HIBCH: variants seen among roughly 807,000 people sequenced by gnomAD.
HIBCH encodes the protein 3-hydroxyisobutyryl-CoA hydrolase, mitochondrial.
HIBCH carries 50 observed loss-of-function variants against 58.2 expected under a neutral mutation model. The observed-to-expected ratio is 0.86, with a 90% CI of 0.68 to 1.09. The LOEUF is 1.09. Ranked by LOEUF, HIBCH falls within the 50% of genes least tolerant of loss-of-function variation. The pLI is 0.00. For missense variants in HIBCH, 450 were observed against 449.7 expected, an observed-to-expected ratio of 1.00 and a Z score of -0.01; for synonymous variants, 151 against 146.9, an observed-to-expected ratio of 1.03 and a Z score of -0.20.
At chr2:190,260,096 C>T (rs937744652) in intron 7 of HIBCH, among the ~76,000 whole-genome samples, 2 of 151,966 alleles carry the variant, frequency 1.3e-5, no homozygotes, top group Non-Finnish European at 2.9e-5. Context: ...TAAAAGGTAT[C>T]CAGATTAGAA....
intron 2 of HIBCH, among the ~76,000 whole-genome samples, chr2:190,307,725 T>C (rs868858743): frequency 6.6e-6 from 1 of 152,132 alleles, no homozygotes; most frequent in African/African-American, 2.4e-5. Flanking sequence ...AAAAAAAATA[T>C]TTCCCTGAAT....
At chr2:190,246,578 G>C (rs1686614222) in intron 9 of HIBCH, among the ~76,000 whole-genome samples, 1 of 152,184 alleles carries the variant, frequency 6.6e-6, no homozygotes, top group African/African-American at 2.4e-5. Context: ...CATATACCTG[G>C]TATGCCTGCA....
Position 190,220,932 on chromosome 2 carries a change from G to A in HIBCH, c.892-7857C>T, listed in dbSNP as rs546366588. On this transcript the variant is annotated intron_variant, in intron 11 of 13. Coordinates refer to ENST00000359678, the MANE Select transcript of HIBCH (RefSeq NM_014362.4). ...AATTGTTCCTCAGCACTACCATTATGGTTTACTGCTTATGGTTTCCATTTC... is the reference window on the plus strand; with the variant it reads ...AATTGTTCCTCAGCACTACCATTATAGTTTACTGCTTATGGTTTCCATTTC... Among the ~76,000 whole-genome samples, 87 of 152,142 alleles carry A rather than the reference G, an allele frequency of 5.7e-4. 1 individual carries two copies. The highest frequency in any genetic ancestry group is 2.8e-3 in the Admixed American group (43 of 15,290).
At chr2:190,260,439 A>G (rs1687056376) in intron 7 of HIBCH, 1 of 152,142 alleles carries the variant, frequency 6.6e-6, no homozygotes. Flanking sequence ...GTCTGAAAAG[A>G]CTCGATAGTG....
At position 190,281,326 on chromosome 2, in the gene HIBCH, T is replaced by A. The variant is rs1053517737; in HGVS notation, c.438+6260A>T. 2.0e-5 allele frequency among the ~76,000 whole-genome samples: 3 copies of A among 152,166 alleles called. No homozygotes were observed. Among genetic ancestry groups the A allele is most frequent in the Admixed American group, 2.0e-4 (3 of 15,274 alleles). On this transcript the variant is annotated intron_variant, in intron 6 of 13. Coordinates refer to ENST00000359678, the MANE Select transcript of HIBCH (RefSeq NM_014362.4). This position sits in a 1 kb window ranked among gnomAD's most constrained non-coding sequence, Gnocchi z 5.4. ...ATGCCACCAAGGCTTATGGCTTATA[T>A]CTTCTGGAGCTGCAGGTCAAGCTGT...
At chr2:190,213,142 G>A in intron 11 of HIBCH, 67 bp from the exon 12 acceptor site, 2 of 1,208,790 alleles carry the variant, frequency 1.7e-6, no homozygotes, top group Non-Finnish European at 2.5e-6. Flanking sequence ...TAAATGGGCA[G>A]AGTGTCTATG....
intron 2 of HIBCH, among the ~76,000 whole-genome samples, chr2:190,302,990 T>C (rs534424251): frequency 6.6e-6 from 1 of 152,218 alleles, no homozygotes; most frequent in Non-Finnish European, 1.5e-5. Context: ...TTTGCATATA[T>C]ACTAGGTTTA....
At chr2:190,275,561 C>T (rs2664244) in intron 6 of HIBCH, among the ~76,000 whole-genome samples, 110,310 of 152,122 alleles carry the variant, frequency 0.73, 40,480 homozygotes, top group Non-Finnish European at 0.75. Flanking sequence ...ATATGAATTA[C>T]GCTAAAATTG....
downstream of HIBCH, chr2:190,200,286 C>A: frequency 1.4e-6 from 1 of 705,556 alleles, no homozygotes; most frequent in Non-Finnish European, 2.4e-6. Context: ...ATTATAAGAA[C>A]AACTAGGATG....
chr2:190,250,199 C>A (rs1042887578), intron 8 of HIBCH: 6 of 347,732 alleles, frequency 1.7e-5, no homozygotes, highest in Middle Eastern at 8.8e-4. Context: ...TGCTTTCTTG[C>A]CCCTGTGATT....
Position 190,217,281 on chromosome 2 carries a change from C to CA in HIBCH, c.892-4207dup, listed in dbSNP as rs1304537088. ...GGTGGATCACCTGAGGTCAAGAGTT[C>CA]AAGACCAGCCTGGCCAACATGGTGA... On this transcript the variant is annotated intron_variant, in intron 11 of 13. Transcript: ENST00000359678. This position sits in a 1 kb window ranked among gnomAD's most constrained non-coding sequence, Gnocchi z 4.6. Among the ~76,000 whole-genome samples the CA allele has an allele frequency of 1.3e-5, 2 of 152,158 alleles. No homozygotes were observed. The highest frequency in any genetic ancestry group is 2.4e-5 in the African/African-American group (1 of 41,446).
intron 11 of HIBCH, among the ~76,000 whole-genome samples, chr2:190,224,490 C>G (rs886451475): frequency 6.6e-6 from 1 of 152,124 alleles, no homozygotes; most frequent in Non-Finnish European, 1.5e-5. Context: ...CAATCCTAGT[C>G]TCTGATAAAA....
intron 2 of HIBCH, among the ~76,000 whole-genome samples, chr2:190,298,116 T>C (rs1419382251): frequency 6.6e-6 from 1 of 152,198 alleles, no homozygotes; most frequent in Non-Finnish European, 1.5e-5. Context: ...TAGTATTCCA[T>C]GGTGTATATG....
At chr2:190,273,972 G>C (rs921403685) in intron 6 of HIBCH, among the ~76,000 whole-genome samples, 2 of 152,054 alleles carry the variant, frequency 1.3e-5, no homozygotes, top group African/African-American at 4.8e-5. Context: ...ACCATGCCTG[G>C]TTAATTTTTT....
chr2:190,225,590 T>C (rs1685865645), intron 11 of HIBCH, among the ~76,000 whole-genome samples: 2 of 152,164 alleles, frequency 1.3e-5, no homozygotes, highest in South Asian at 2.1e-4. Flanking sequence ...AGTCCTTGAA[T>C]AGACCAATAA....
intron 6 of HIBCH, among the ~76,000 whole-genome samples, chr2:190,269,309 A>T (rs957161711): frequency 5.9e-5 from 9 of 152,288 alleles, no homozygotes; most frequent in Middle Eastern, 6.8e-3. Context: ...CTATGGAATG[A>T]GAGAAAACTT....
At chr2:190,220,637 C>T (rs1369653841) in intron 11 of HIBCH, among the ~76,000 whole-genome samples, 1 of 151,766 alleles carries the variant, frequency 6.6e-6, no homozygotes, top group African/African-American at 2.4e-5. Flanking sequence ...TTTCTGGTTA[C>T]AGGGCATCCA....
chr2:190,197,161 T>C lies in HIBCH; in HGVS notation c.*18-7164A>G, dbSNP rs1170903416. 6.6e-6 allele frequency among the ~76,000 whole-genome samples: 1 copy of C among 152,136 alleles called. No individual in the cohort carries two copies. The highest frequency in any genetic ancestry group is 2.4e-5 in the African/African-American group (1 of 41,418). ...AAATACCATCACGTTGGGGATTAGG[T>C]TTCAATATATGAATTTGGAGAAGCC... is the stretch of plus-strand genomic sequence containing the variant. On this transcript the variant is annotated intron_variant, in intron 1 of 1. Coordinates refer to the HIBCH transcript ENST00000399855. The surrounding 1 kb of genome is among the most constrained non-coding windows in gnomAD (Gnocchi z 4.0).
rs1167140474 is a variant in HIBCH at position 190,265,122 on chromosome 2, CAAAAAAAAAA to C, written c.439-3898_439-3889del. 7.9e-3 allele frequency among the ~76,000 whole-genome samples: 442 copies of C among 56,282 alleles called. 9 individuals are homozygous for C. Among genetic ancestry groups the C allele is most frequent in the African/African-American group, 0.027 (366 of 13,568 alleles). 36.9% of individuals were successfully genotyped at this position (56,282 alleles called of 152,430 possible). A position where few individuals can be genotyped will look rare whatever the true frequency, so the allele number is the denominator to read the frequency against. ...TGGAGGACAGAGCAAGACTCCGTCT[CAAAAAAAAAA>C]AAAAAAAAAAAAAAAAAAGTATTGA... On this transcript the variant is annotated intron_variant, in intron 6 of 13. Transcript: ENST00000359678.
Sources: gnomAD v4.1 joint callset for allele counts (sites outside exome capture counted in the v4.1 genomes callset) on GRCh38, gnomAD v4.1.1 for gene constraint, Gnocchi (gnomAD v3.1) non-coding constraint, MANE v1.5 for transcripts, NCBI Gene and HGNC (gene_info 2026-07-23, HGNC 2026-07-21) for gene names.